Variants in NDFIP2 observed in about 807,000 individuals in gnomAD.
NDFIP2 encodes NEDD4 family-interacting protein 2.
A neutral mutation model predicts 36.0 loss-of-function variants in NDFIP2; 19 were observed. That is an observed-to-expected ratio of 0.53 (90% CI 0.37 to 0.77). NDFIP2 has a LOEUF of 0.77. Ranked by LOEUF, NDFIP2 falls within the 30% of genes least tolerant of loss-of-function variation. The pLI is 0.00. For missense variants in NDFIP2, 446 were observed against 435.8 expected (o/e 1.02, Z -0.21); for synonymous variants, 181 against 167.7 (o/e 1.08, Z -0.61).
intron 1 of NDFIP2, among the ~76,000 whole-genome samples, chr13:79,482,630 AG>A (rs11324280): frequency 0.69 from 104,856 of 152,114 alleles, 37,541 homozygotes; most frequent in African/African-American, 0.89. Flanking sequence ...CATGTAAGAC[AG>A]GTTATAAGCC....
At chr13:79,532,662 GAAAAGTA>G (rs1333440092) in intron 2 of NDFIP2, among the ~76,000 whole-genome samples, 1 of 152,116 alleles carries the variant, frequency 6.6e-6, no homozygotes, top group Non-Finnish European at 1.5e-5. Context: ...GACAAGAGTG[GAAAAGTA>G]AAACTTCAAT....
At chr13:79,507,836 T>G (rs557172533) in intron 1 of NDFIP2, among the ~76,000 whole-genome samples, 13 of 152,168 alleles carry the variant, frequency 8.5e-5, no homozygotes, top group Non-Finnish European at 1.0e-4. Flanking sequence ...TGAACTTTTT[T>G]TTTTTTAAGA....
rs1460662189 is a variant in NDFIP2 at position 79,507,380 on chromosome 13, TCTC to T, written c.322-13427_322-13425del. On this transcript the variant is annotated intron_variant, in intron 1 of 7. Transcript: ENST00000218652. ...GCTCCGCCTCCCGGGTTCACGCCAT[TCTC>T]CTGCCTCAGCCTCCCAAGTAGCTGG... is the stretch of plus-strand genomic sequence containing the variant. Among the ~76,000 whole-genome samples the T allele has an allele frequency of 6.4e-5, 2 of 31,020 alleles. 1 individual carries two copies. Among genetic ancestry groups the T allele is most frequent in the Admixed American group, 6.8e-4 (2 of 2,942 alleles). 20.4% of individuals were successfully genotyped at this position (31,020 alleles called of 152,430 possible).
At chr13:79,487,808 A>G (rs1006341385) in intron 1 of NDFIP2, among the ~76,000 whole-genome samples, 19 of 152,086 alleles carry the variant, frequency 1.2e-4, no homozygotes, top group African/African-American at 4.3e-4. Context: ...GGCCCTCCCT[A>G]CCTGTACAGT....
intron 7 of NDFIP2, among the ~76,000 whole-genome samples, chr13:79,551,617 A>G (rs971613745): frequency 6.6e-6 from 1 of 151,520 alleles, no homozygotes; most frequent in African/African-American, 2.4e-5. Context: ...AAGTCATGTG[A>G]AGAAAATAGT....
chr13:79,508,858 G>A (rs1186889853), intron 1 of NDFIP2, among the ~76,000 whole-genome samples: 3 of 152,084 alleles, frequency 2.0e-5, no homozygotes, highest in African/African-American at 2.4e-5. Context: ...TGTTCTTCAA[G>A]GTGATTCAAT....
intron 2 of NDFIP2, among the ~76,000 whole-genome samples, chr13:79,530,359 C>T (rs1447011017): frequency 6.6e-6 from 1 of 152,284 alleles, no homozygotes; most frequent in African/African-American, 2.4e-5. Context: ...TCAAGTGATC[C>T]TTTAGCCTCA....
At chr13:79,510,942 T>C (rs1874059542) in intron 1 of NDFIP2, among the ~76,000 whole-genome samples, 1 of 144,052 alleles carries the variant, frequency 6.9e-6, no homozygotes, top group East Asian at 2.1e-4. Context: ...GAGGTTGCAG[T>C]GAGCTGAGAT....
At chr13:79,544,023 T>C (rs954039381) in intron 5 of NDFIP2, among the ~76,000 whole-genome samples, 1 of 152,200 alleles carries the variant, frequency 6.6e-6, no homozygotes, top group African/African-American at 2.4e-5. Context: ...TTATGAGGTA[T>C]GGAAATAATG....
intron 1 of NDFIP2, among the ~76,000 whole-genome samples, chr13:79,503,345 A>G (rs1419425639): frequency 2.6e-5 from 4 of 152,142 alleles, no homozygotes; most frequent in Non-Finnish European, 4.4e-5. Context: ...ACTTATCCCA[A>G]ATTGAGTCTT....
intron 1 of NDFIP2, among the ~76,000 whole-genome samples, chr13:79,505,322 C>A (rs565216555): frequency 6.6e-6 from 1 of 152,138 alleles, no homozygotes; most frequent in African/African-American, 2.4e-5. Flanking sequence ...GTTATCCTTA[C>A]TGTGGGAGTT....
chr13:79,505,766 G>A (rs1199902724), intron 1 of NDFIP2, among the ~76,000 whole-genome samples: 2 of 151,728 alleles, frequency 1.3e-5, no homozygotes, highest in Non-Finnish European at 2.9e-5. Flanking sequence ...GGCACTATGA[G>A]GAAAAATCTT....
chr13:79,507,198 A>G (rs974972730), intron 1 of NDFIP2, among the ~76,000 whole-genome samples: 12 of 150,682 alleles, frequency 8.0e-5, no homozygotes, highest in Non-Finnish European at 1.3e-4. Context: ...CTATATTTAA[A>G]TGGATTCAGT....
At chr13:79,533,889 C>T (rs1324971558) in intron 3 of NDFIP2, among the ~76,000 whole-genome samples, 1 of 152,118 alleles carries the variant, frequency 6.6e-6, no homozygotes, top group Non-Finnish European at 1.5e-5. Context: ...GTCCCTAACC[C>T]GTGTATTGTT....
chr13:79,509,370 C>G (rs570702478), intron 1 of NDFIP2, among the ~76,000 whole-genome samples: 1 of 152,196 alleles, frequency 6.6e-6, no homozygotes, highest in South Asian at 2.1e-4. Flanking sequence ...TATCTAAAGA[C>G]TTGGAATCAG....
At chr13:79,538,804 A>G (rs372011012) in intron 3 of NDFIP2, among the ~76,000 whole-genome samples, 19 of 152,292 alleles carry the variant, frequency 1.2e-4, no homozygotes, top group East Asian at 7.7e-4. Context: ...GCAGGTCTTG[A>G]ACTCCTGGCC....
chr13:79,490,751 T>C lies in NDFIP2; in HGVS notation c.321+9227T>C, dbSNP rs370086482. 2.1e-4 allele frequency among the ~76,000 whole-genome samples: 32 copies of C among 152,284 alleles called. No homozygotes were observed. The East Asian group carries it at 5.2e-3, about 25-fold the overall frequency. ...CATGTTGAAGGACGCTTCTAAGAAA[T>C]TAATTTTTTATTTCACCCAGTCTCT... is the stretch of plus-strand genomic sequence containing the variant. On this transcript the variant is annotated intron_variant, in intron 1 of 7. Transcript: ENST00000218652.
chr13:79,531,932 T>C (rs1875033057), intron 2 of NDFIP2, among the ~76,000 whole-genome samples: 1 of 152,256 alleles, frequency 6.6e-6, no homozygotes, highest in South Asian at 2.1e-4. Flanking sequence ...AGGTCTGGCT[T>C]TCGGTGTATC....
intron 5 of NDFIP2, among the ~76,000 whole-genome samples, chr13:79,546,183 GTTTTC>G (rs1875671708): frequency 6.6e-6 from 1 of 151,766 alleles, no homozygotes; most frequent in South Asian, 2.1e-4. Context: ...TGAGAGAAAA[GTTTTC>G]TCCTAAAAAC....
Sources: allele counts gnomAD v4.1 joint callset (sites outside exome capture counted in the v4.1 genomes callset), GRCh38; gene constraint gnomAD v4.1.1; transcripts MANE v1.5; gene names NCBI Gene and HGNC (gene_info 2026-07-23, HGNC 2026-07-21).